The following EPOR variants were observed in gnomAD, a reference collection of about 807,000 sequenced individuals.
EPOR encodes the protein erythropoietin receptor.
EPOR carries 20 observed loss-of-function variants against 34.3 expected under a neutral mutation model. The observed-to-expected ratio is 0.58, with a 90% CI of 0.41 to 0.85. The LOEUF (loss-of-function observed/expected upper bound fraction) is 0.85, where lower values mean the gene tolerates loss of function less well. EPOR is among the 40% of genes least tolerant of loss of function. The pLI, the probability that EPOR is intolerant of heterozygous loss-of-function variation, is 0.00. For missense variants in EPOR, 601 were observed against 672.7 expected (o/e 0.89, Z 1.18); for synonymous variants, 312 against 299.0 (o/e 1.04, Z -0.45).
At position 11,381,190 on chromosome 19, in the gene EPOR, C is replaced by A; in HGVS notation, c.605G>T (p.Arg202Leu). ...SVQRVEILEGRTECVLSNLRG... is the reference protein window; with the variant it reads ...SVQRVEILEGLTECVLSNLRG... ...CAGGTTGCTCAGCACACACTCGGTG[C>A]GGCCCTCCAGGATCTCCACCTGGGG... The change falls in exon 5 of 8, where the codon CGC (arginine) becomes CTC (leucine). Residue 202 changes from arginine to leucine, a missense_variant. Physicochemically the swap from Arg to Leu is moderately radical, Grantham distance 102. Coordinates refer to ENST00000222139, the MANE Select transcript of EPOR (RefSeq NM_000121.4). This position sits in a 1 kb window ranked among gnomAD's most constrained non-coding sequence, Gnocchi z 5.3. 2 of 1,549,960 alleles carry A rather than the reference C, an allele frequency of 1.3e-6. No individual in the cohort carries two copies. Among genetic ancestry groups the A allele is most frequent in the African/African-American group, 2.7e-5 (2 of 73,208 alleles).
In EPOR at chr19:11,378,545, G is replaced by C; in HGVS notation, c.966C>G (p.Pro322=). The C allele has an allele frequency of 1.9e-6, 3 of 1,614,198 alleles. No homozygotes were observed. Among genetic ancestry groups the C allele is most frequent in the Non-Finnish European group, 2.5e-6 (3 of 1,180,022 alleles). ...GGGAAGCAGGTGGGTCCTCCGTGAA[G>C]GGGGTGCAGGGGCTCCACCACAGGC... The part of the protein sequence containing the change: ...DGCLWWSPCT[P]FTEDPPASLE... The change falls in exon 8 of 8, where the codon CCC becomes CCG. Residue 322 remains proline, a synonymous_variant. Coordinates refer to ENST00000222139, the MANE Select transcript of EPOR (RefSeq NM_000121.4). This position sits in a 1 kb window ranked among gnomAD's most constrained non-coding sequence, Gnocchi z 5.3.
In EPOR at chr19:11,384,108, T is replaced by TG. The variant is rs1568330553; in HGVS notation, c.99dup (p.Lys34GlnfsTer53). 1.3e-6 allele frequency: 2 copies of TG among 1,549,436 alleles called. No individual in the cohort carries two copies. The highest frequency in any genetic ancestry group is 1.7e-6 in the Non-Finnish European group (2 of 1,145,436). ...TCATCCTTACCTTTGCTCTCGAACT[T>TG]GGGGTCCGGGAGGTTAGGCGGGGGC... is the stretch of plus-strand genomic sequence containing the variant. On this transcript the variant is annotated frameshift_variant, in exon 1 of 8. Coordinates refer to ENST00000222139, the MANE Select transcript of EPOR (RefSeq NM_000121.4). LOFTEE classifies it high-confidence loss of function.
chr19:11,381,019 G>A lies in EPOR; in HGVS notation c.739+37C>T, dbSNP rs879435683. 14 of 1,574,720 alleles carry A rather than the reference G, an allele frequency of 8.9e-6. No individual in the cohort carries two copies. Among genetic ancestry groups the A allele is most frequent in the African/African-American group, 1.3e-5 (1 of 74,106 alleles). On this transcript the variant is annotated intron_variant, in intron 5 of 7. Transcript: ENST00000222139. This position sits in a 1 kb window ranked among gnomAD's most constrained non-coding sequence, Gnocchi z 5.3. ...GGGCGGTGGGCTTGCCCCGTGATTCGCCCTGGCTCCTCCTACACCCCCGCC... is the reference window on the plus strand; with the variant it reads ...GGGCGGTGGGCTTGCCCCGTGATTCACCCTGGCTCCTCCTACACCCCCGCC...
In EPOR at chr19:11,381,889, A is replaced by G. The variant is rs769735195; in HGVS notation, c.428-40T>C. ...GTTGGTCAGGTGGGCGAGGACTGAG[A>G]CCCTCTCCTCCGACCACTCCTCCAT... On this transcript the variant is annotated intron_variant, in intron 3 of 7. Transcript: ENST00000222139. This position sits in a 1 kb window ranked among gnomAD's most constrained non-coding sequence, Gnocchi z 5.3. The G allele has an allele frequency of 6.2e-7, 1 of 1,613,970 alleles. No homozygotes were observed. The highest frequency in any genetic ancestry group is 2.2e-5 in the East Asian group (1 of 44,874).
intron 2 of EPOR, 75 bp from the exon 3 acceptor site, chr19:11,382,180 T>C (rs1425578175): frequency 2.5e-6 from 3 of 1,212,030 alleles, no homozygotes; most frequent in Non-Finnish European, 3.6e-6. Context: ...TGGGGGGCAG[T>C]GTGTATGTGT....
chr19:11,383,015 G>A lies in EPOR; in HGVS notation c.251+82C>T, dbSNP rs1214629306. ...CGCCGTCGGGCCTCAAACAGCAGGG[G>A]ACATACGAGGCTACGACCTCCAGGG... is the stretch of plus-strand genomic sequence containing the variant. On this transcript the variant is annotated intron_variant, in intron 2 of 7. Transcript: ENST00000222139. The surrounding 1 kb of genome is among the most constrained non-coding windows in gnomAD (Gnocchi z 4.9). 3.5e-5 allele frequency: 57 copies of A among 1,606,382 alleles called. No homozygotes were observed. The highest frequency in any genetic ancestry group is 4.7e-5 in the Non-Finnish European group (56 of 1,179,324).
rs1471787540 is a variant in EPOR at position 11,383,484 on chromosome 19, C to G, written c.116-252G>C. On this transcript the variant is annotated intron_variant, in intron 1 of 7. Transcript: ENST00000222139. The surrounding 1 kb of genome is among the most constrained non-coding windows in gnomAD (Gnocchi z 4.9). ...CCTGCCCACCCAGCGGCCAGCTGAG[C>G]TGGGCGCGGCGTTCAAGACCTCGAG... 1 of 438,868 alleles carries G rather than the reference C, an allele frequency of 2.3e-6. No homozygotes were observed. Among genetic ancestry groups the G allele is most frequent in the Non-Finnish European group, 4.1e-6 (1 of 246,030 alleles). 27.2% of individuals were successfully genotyped at this position (438,868 alleles called of 1,614,324 possible). A position where few individuals can be genotyped will look rare whatever the true frequency, so the allele number is the denominator to read the frequency against.
At position 11,382,061 on chromosome 19, in the gene EPOR, G is replaced by A. The variant is rs146235694; in HGVS notation, c.296C>T (p.Ala99Val). The change falls in exon 3 of 8, where the codon GCT becomes GTT. Residue 99 changes from alanine (A) to valine (V), a missense_variant. Physicochemically the swap from Ala to Val is moderately conservative, Grantham distance 64. Coordinates refer to ENST00000222139, the MANE Select transcript of EPOR (RefSeq NM_000121.4). Reference protein sequence around the residue: ...KLCRLHQAPTARGAVRFWCSL... With the variant: ...KLCRLHQAPTVRGAVRFWCSL... The stretch of plus-strand genomic sequence containing the variant: ...ACACCAGAAGCGCACCGCACCACGA[G>A]CCGTGGGAGCCTGGTGCAGGCGACA... The A allele has an allele frequency of 1.5e-3, 2,402 of 1,614,122 alleles. 3 individuals carry two copies. Among genetic ancestry groups the A allele is most frequent in the Non-Finnish European group, 1.8e-3 (2,139 of 1,180,008 alleles).
rs1409942355 is a variant in EPOR at position 11,378,075 on chromosome 19, C to T, written c.1436G>A (p.Gly479Asp). The T allele has an allele frequency of 1.2e-6, 2 of 1,614,118 alleles. No individual in the cohort carries two copies. Among genetic ancestry groups the T allele is most frequent in the Non-Finnish European group, 1.7e-6 (2 of 1,179,980 alleles). Residue 479 changes from glycine to aspartate, a missense_variant, in exon 8 of 8, where the codon GGC becomes GAC. Coordinates refer to ENST00000222139, the MANE Select transcript of EPOR (RefSeq NM_000121.4). The surrounding 1 kb of genome is among the most constrained non-coding windows in gnomAD (Gnocchi z 5.3). ...SSGDSQGAQG[G>D]LSDGPYSNPY... is the part of the protein sequence containing the mutation. Reference sequence around the variant, plus strand: ...GTTGGAGTAGGGGCCATCGGATAAGCCCCCTTGGGCTCCCTGGGAGTCCCC... The same window carrying T: ...GTTGGAGTAGGGGCCATCGGATAAGTCCCCTTGGGCTCCCTGGGAGTCCCC...
At position 11,377,524 on chromosome 19, in the gene EPOR, G is replaced by C; in HGVS notation, c.*460C>G. The C allele has an allele frequency of 2.2e-6, 1 of 454,372 alleles. No homozygotes were observed. The highest frequency in any genetic ancestry group is 4.4e-6 in the Non-Finnish European group (1 of 226,990). 28.1% of individuals were successfully genotyped at this position (454,372 alleles called of 1,614,324 possible). ...ACAGACTGGAAGAGTCTGAACCTCTGACTCATCCCATGGATGGCTGCCCAT... is the reference window on the plus strand; with the variant it reads ...ACAGACTGGAAGAGTCTGAACCTCTCACTCATCCCATGGATGGCTGCCCAT... On this transcript the variant is annotated 3_prime_UTR_variant, in exon 8 of 8. Coordinates refer to ENST00000222139, the MANE Select transcript of EPOR (RefSeq NM_000121.4).
intron 6 of EPOR, 61 bp downstream of exon 6, chr19:11,380,823 T>C (rs997267967): frequency 9.0e-6 from 12 of 1,339,336 alleles, no homozygotes; most frequent in Non-Finnish European, 1.2e-5. Flanking sequence ...TAGGTTTCCA[T>C]AGTGAAAGAG....
chr19:11,381,133 CG>C lies in EPOR; in HGVS notation c.661del (p.Arg221AlafsTer23). 6.4e-7 allele frequency: 1 copy of C among 1,571,264 alleles called. No homozygotes were observed. The highest frequency in any genetic ancestry group is 8.6e-7 in the Non-Finnish European group (1 of 1,158,166). On this transcript the variant is annotated frameshift_variant, in exon 5 of 8. Transcript: ENST00000222139. LOFTEE classifies it high-confidence loss of function. The surrounding 1 kb of genome is among the most constrained non-coding windows in gnomAD (Gnocchi z 5.3). ...RGRTRYTFAV[R>X]ARMAEPSFGG... ...GAAGCTCGGCTCAGCCATACGCGCGCGGACGGCGAAGGTGTAGCGCGTCCGG... is the reference window on the plus strand; with the variant it reads ...GAAGCTCGGCTCAGCCATACGCGCGCGACGGCGAAGGTGTAGCGCGTCCGG...
At chr19:11,382,195 C>G in intron 2 of EPOR, 90 bp from the exon 3 acceptor site, 1 of 1,070,638 alleles carries the variant, frequency 9.3e-7, no homozygotes, top group Non-Finnish European at 1.4e-6. Flanking sequence ...ATGTGTGACA[C>G]AAGGTCTAGC....
In EPOR at chr19:11,377,357, GAGA is replaced by G. The variant is rs1326800207; in HGVS notation, c.*624_*626del. ...TGACTGTTTCCAGCCAGTGAGGTGT[GAGA>G]AGAAGAGAGGAAGCCCATTTCCAGG... is the stretch of plus-strand genomic sequence containing the variant. On this transcript the variant is annotated 3_prime_UTR_variant, in exon 8 of 8. Transcript: ENST00000222139. 25 of 453,978 alleles carry G rather than the reference GAGA, an allele frequency of 5.5e-5. No homozygotes were observed. The highest frequency in any genetic ancestry group is 2.1e-4 in the Admixed American group (9 of 42,540). 28.1% of individuals were successfully genotyped at this position (453,978 alleles called of 1,614,324 possible). A position where few individuals can be genotyped will look rare whatever the true frequency, so the allele number is the denominator to read the frequency against.
chr19:11,383,214 CG>C lies in EPOR; in HGVS notation c.133del (p.Arg45GlyfsTer76). ...FESKAALLAA[R>X]GPEELLCFTE... is the part of the protein sequence containing the mutation. ...GAAGCACAGAAGCTCTTCGGGCCCCCGGGCCGCCAGCAAGGCCGCTGGGGAG... is the reference window on the plus strand; with the variant it reads ...GAAGCACAGAAGCTCTTCGGGCCCCCGGCCGCCAGCAAGGCCGCTGGGGAG... On this transcript the variant is annotated frameshift_variant, in exon 2 of 8. Transcript: ENST00000222139. LOFTEE classifies it high-confidence loss of function. The surrounding 1 kb of genome is among the most constrained non-coding windows in gnomAD (Gnocchi z 4.9). 1 of 1,601,656 alleles carries C rather than the reference CG, an allele frequency of 6.2e-7. No individual in the cohort carries two copies.
intron 2 of EPOR, 35 bp from the exon 3 acceptor site, chr19:11,382,140 G>A (rs1968371495): frequency 6.3e-7 from 1 of 1,597,348 alleles, no homozygotes; most frequent in African/African-American, 1.3e-5. Flanking sequence ...GTTGGGAGGG[G>A]GGACCGGGGA....
In EPOR at chr19:11,383,939, A is replaced by G. The variant is rs1968400571; in HGVS notation, c.115+154T>C. Among the ~76,000 whole-genome samples the G allele has an allele frequency of 7.8e-6, 1 of 128,650 alleles. No individual in the cohort carries two copies. Among genetic ancestry groups the G allele is most frequent in the East Asian group, 2.8e-4 (1 of 3,602 alleles). 84.4% of individuals were successfully genotyped at this position (128,650 alleles called of 152,430 possible). The stretch of plus-strand genomic sequence containing the variant: ...CCACCCCGCCCCCCACCCATCCAGG[A>G]CCCAGTCTAAGGGTTCAGATGCCAG... On this transcript the variant is annotated intron_variant, in intron 1 of 7. Transcript: ENST00000222139. The surrounding 1 kb of genome is among the most constrained non-coding windows in gnomAD (Gnocchi z 4.9).
chr19:11,379,117 G>A (rs184589099), intron 6 of EPOR, among the ~76,000 whole-genome samples: 2 of 152,004 alleles, frequency 1.3e-5, no homozygotes, highest in Admixed American at 1.3e-4. Context: ...TTTGAACCCA[G>A]GAGTTCAAGA....
intron 6 of EPOR, among the ~76,000 whole-genome samples, chr19:11,380,224 T>C (rs1479944812): frequency 1.3e-5 from 2 of 152,246 alleles, no homozygotes; most frequent in Non-Finnish European, 2.9e-5. Flanking sequence ...CAATTTGTCA[T>C]CAAATATTTC....
Sources: gnomAD v4.1 joint callset for allele counts (sites outside exome capture counted in the v4.1 genomes callset) on GRCh38, gnomAD v4.1.1 for gene constraint, Gnocchi (gnomAD v3.1) non-coding constraint, MANE v1.5 for transcripts, NCBI Gene and HGNC (gene_info 2026-07-23, HGNC 2026-07-21) for gene names.